ASAP1: variants seen among roughly 807,000 people sequenced by gnomAD.
The protein encoded by ASAP1 is ArfGAP with SH3 domain, ankyrin repeat and PH domain 1, also known as arf-GAP with SH3 domain, ANK repeat and PH domain-containing protein 1.
In ASAP1, 43 loss-of-function variants were observed where a neutral mutation model predicts 145.2. The ratio of observed to expected loss-of-function variants is 0.30; its 90% CI spans 0.23 to 0.38. The LOEUF (loss-of-function observed/expected upper bound fraction) is 0.38, where lower values mean the gene tolerates loss of function less well. ASAP1 is among the 10% of genes least tolerant of loss of function. The pLI is 1.00. For synonymous variants in ASAP1, 546 were observed against 515.5 expected (o/e 1.06, Z -0.80); for missense variants, 1,018 against 1,355.3 (o/e 0.75, Z 3.91).
intron 18 of ASAP1, among the ~76,000 whole-genome samples, chr8:130,120,991 G>A (rs1015800417): frequency 6.6e-6 from 1 of 152,102 alleles, no homozygotes; most frequent in Non-Finnish European, 1.5e-5. Context: ...TATCTGCTCC[G>A]TTTTTGTTAA....
chr8:130,403,554 C>CTTTTTTT (rs372481861), intron 1 of ASAP1, among the ~76,000 whole-genome samples: 38 of 125,368 alleles, frequency 3.0e-4, no homozygotes, highest in Admixed American at 4.3e-4. Flanking sequence ...TTTTCTTTTT[C>CTTTTTTT]TTTTTTTTTT....
intron 12 of ASAP1, among the ~76,000 whole-genome samples, chr8:130,156,742 T>C (rs1348290681): frequency 1.3e-5 from 2 of 152,202 alleles, no homozygotes; most frequent in Admixed American, 6.5e-5. Flanking sequence ...GTCAAATTAT[T>C]TAATCCCTCT....
intron 13 of ASAP1, among the ~76,000 whole-genome samples, chr8:130,148,634 C>T (rs1282611242): frequency 1.3e-5 from 2 of 152,152 alleles, no homozygotes; most frequent in African/African-American, 4.8e-5. Flanking sequence ...AAGAACATAG[C>T]TGCTTATACT....
chr8:130,112,103 C>A lies in ASAP1; in HGVS notation c.2392G>T (p.Ala798Ser). 2 of 1,613,690 alleles carry A rather than the reference C, an allele frequency of 1.2e-6. No homozygotes were observed. The highest frequency in any genetic ancestry group is 1.7e-6 in the Non-Finnish European group (2 of 1,179,722). The change falls in exon 24 of 30, where the codon GCC (alanine) becomes TCC (serine). Residue 798 changes from alanine (A) to serine (S), a missense_variant. By Grantham distance (99) the Ala-to-Ser change is moderately conservative (BLOSUM62 1). Transcript: ENST00000518721. Reference sequence around the variant, plus strand: ...TTCTCAAAGCCCATACCTTTCCCGGCGTTCCTAGGAGGCAGAGGGGGAGCC... The same window carrying A: ...TTCTCAAAGCCCATACCTTTCCCGGAGTTCCTAGGAGGCAGAGGGGGAGCC... Reference protein sequence around the residue: ...TEAPPLPPRNAGKGPTGPPST... With the variant: ...TEAPPLPPRNSGKGPTGPPST...
chr8:130,160,417 A>C (rs892158045), intron 11 of ASAP1, among the ~76,000 whole-genome samples: 1 of 152,228 alleles, frequency 6.6e-6, no homozygotes, highest in Non-Finnish European at 1.5e-5. Context: ...TATGCCCCCA[A>C]ATAAAAGGGG....
chr8:130,258,888 C>T (rs554503260), intron 3 of ASAP1, among the ~76,000 whole-genome samples: 2 of 152,288 alleles, frequency 1.3e-5, no homozygotes, highest in Admixed American at 6.5e-5. Context: ...TTTCGATTCC[C>T]ATGTTTCTTA....
intron 3 of ASAP1, among the ~76,000 whole-genome samples, chr8:130,262,501 A>G (rs951414905): frequency 2.7e-4 from 40 of 147,578 alleles, no homozygotes; most frequent in African/African-American, 1.0e-3. Flanking sequence ...TTTATTCACT[A>G]CTCTCTCCTC....
At chr8:130,398,019 A>T (rs966886191) in intron 2 of ASAP1, among the ~76,000 whole-genome samples, 10 of 152,282 alleles carry the variant, frequency 6.6e-5, no homozygotes, top group African/African-American at 9.6e-5. Context: ...TCAGTCAGTC[A>T]GAGGACTAAA....
chr8:130,180,078 G>A (rs1046076584), intron 8 of ASAP1, among the ~76,000 whole-genome samples: 2 of 149,800 alleles, frequency 1.3e-5, no homozygotes, highest in African/African-American at 2.5e-5. Context: ...GGAAGGGGAA[G>A]GGGGAAAGAG....
At chr8:130,311,812 A>C (rs1823371481) in intron 3 of ASAP1, among the ~76,000 whole-genome samples, 1 of 150,680 alleles carries the variant, frequency 6.6e-6, no homozygotes, top group Admixed American at 6.6e-5. Flanking sequence ...ATAATTATAG[A>C]AAGCAAAGAT....
intron 3 of ASAP1, among the ~76,000 whole-genome samples, chr8:130,264,803 C>T (rs1425304580): frequency 2.6e-5 from 4 of 152,014 alleles, no homozygotes; most frequent in South Asian, 2.1e-4. Flanking sequence ...AATGTCAACA[C>T]ACGATGATCA....
intron 3 of ASAP1, among the ~76,000 whole-genome samples, chr8:130,263,997 C>A (rs7826256): frequency 2.6e-5 from 4 of 152,186 alleles, no homozygotes; most frequent in Non-Finnish European, 4.4e-5. Context: ...AACTTAGGTT[C>A]TAGCCCCTGT....
At chr8:130,368,341 T>A (rs1827057546) in intron 2 of ASAP1, among the ~76,000 whole-genome samples, 1 of 152,228 alleles carries the variant, frequency 6.6e-6, no homozygotes, top group African/African-American at 2.4e-5. Context: ...GGTTTAAGAA[T>A]TAACTTTCAC....
chr8:130,134,262 C>A (rs760142981), intron 15 of ASAP1, 34 bp downstream of exon 15: 10 of 1,508,868 alleles, frequency 6.6e-6, no homozygotes, highest in Non-Finnish European at 9.0e-6. Flanking sequence ...TTTTTCAATC[C>A]AAGGCATCGC....
intron 13 of ASAP1, among the ~76,000 whole-genome samples, chr8:130,147,178 T>G (rs2097633307): frequency 9.5e-6 from 1 of 105,520 alleles, no homozygotes; most frequent in Non-Finnish European, 1.7e-5. Flanking sequence ...GCCACTGCAC[T>G]CCAAAGGGAA....
At chr8:130,308,628 C>G (rs975358410) in intron 3 of ASAP1, among the ~76,000 whole-genome samples, 1 of 152,198 alleles carries the variant, frequency 6.6e-6, no homozygotes, top group Admixed American at 6.5e-5. Flanking sequence ...ATCCGGAAAT[C>G]ATTTTTAAAG....
chr8:130,333,770 T>C (rs982370632), intron 3 of ASAP1, among the ~76,000 whole-genome samples: 7 of 152,262 alleles, frequency 4.6e-5, no homozygotes, highest in Non-Finnish European at 1.0e-4. Flanking sequence ...ATCAGACTAT[T>C]AGATGCATTT....
chr8:130,079,998 G>GT lies in ASAP1; in HGVS notation c.2573-28dup, dbSNP rs762900734. ...TACAAGGAAAACCGAAGGTGAAAAG[G>GT]TATGTCTTTAGATGGGGAAATGCAA... is the stretch of plus-strand genomic sequence containing the variant. On this transcript the variant is annotated intron_variant, in intron 25 of 29. Coordinates refer to ENST00000518721, the MANE Select transcript of ASAP1 (RefSeq NM_018482.4). The GT allele has an allele frequency of 3.8e-6, 6 of 1,597,682 alleles. No homozygotes were observed. In the South Asian group the frequency reaches 5.5e-5, roughly 15 times the overall value.
intron 3 of ASAP1, among the ~76,000 whole-genome samples, chr8:130,299,155 G>A (rs1375040762): frequency 6.6e-6 from 1 of 152,152 alleles, no homozygotes; most frequent in Non-Finnish European, 1.5e-5. Context: ...GGTCTGCCCA[G>A]AGGCTAGGAT....
Sources: allele counts gnomAD v4.1 joint callset (sites outside exome capture counted in the v4.1 genomes callset), GRCh38; gene constraint gnomAD v4.1.1; transcripts MANE v1.5; gene names NCBI Gene and HGNC (gene_info 2026-07-23, HGNC 2026-07-21).